The following ADAM8 variants were observed in gnomAD, a reference collection of about 807,000 sequenced individuals.
ADAM8 encodes disintegrin and metalloproteinase domain-containing protein 8.
A neutral mutation model predicts 102.4 loss-of-function variants in ADAM8; 104 were observed. The observed-to-expected ratio is 1.02, with a 90% confidence interval of 0.87 to 1.20. The LOEUF is 1.20. ADAM8 is among the 50% of genes most tolerant of loss of function. The pLI is 0.00. For missense variants in ADAM8, 1,132 were observed against 1,159.0 expected, an observed-to-expected ratio of 0.98 and a Z score of 0.34; for synonymous variants, 517 against 485.2, an observed-to-expected ratio of 1.07 and a Z score of -0.86.
chr10:133,275,431 A>G, intron 2 of ADAM8, 53 bp downstream of exon 2: 1 of 1,388,820 alleles, frequency 7.2e-7, no homozygotes, highest in Non-Finnish European at 9.8e-7. Flanking sequence ...TCCTTTCACA[A>G]AAATAGGCTC....
chr10:133,273,701 C>G, intron 5 of ADAM8, 61 bp downstream of exon 5: 4 of 1,511,432 alleles, frequency 2.6e-6, no homozygotes, highest in Non-Finnish European at 3.6e-6. Context: ...CCCACCCCCA[C>G]CACAGGCTTA....
chr10:133,263,829 C>T (rs1589799145), intron 21 of ADAM8, 64 bp from the exon 22 acceptor site: 3 of 1,324,632 alleles, frequency 2.3e-6, no homozygotes, highest in East Asian at 5.9e-5. Flanking sequence ...GCCTGGACAT[C>T]ACCTTCTCTG....
intron 8 of ADAM8, 72 bp from the exon 9 acceptor site, chr10:133,272,657 G>A: frequency 6.5e-7 from 1 of 1,549,814 alleles, no homozygotes; most frequent in African/African-American, 1.3e-5. Flanking sequence ...GGGTGGCGGA[G>A]GATGCACCTG....
At chr10:133,264,654 C>T (rs1053097366) in intron 21 of ADAM8, among the ~76,000 whole-genome samples, 5 of 151,780 alleles carry the variant, frequency 3.3e-5, no homozygotes, top group Non-Finnish European at 7.4e-5. Context: ...GCCTCTGCCC[C>T]ATCTACTGCC....
rs1274967146 is a variant in ADAM8 at position 133,270,932 on chromosome 10, T to C, written c.1513A>G (p.Asn505Asp). Residue 505 changes from asparagine (N) to aspartate (D), a missense_variant, in exon 14 of 23, where the codon AAC (asparagine) becomes GAC (aspartate). Physicochemically the swap from Asn to Asp is conservative, Grantham distance 23 (BLOSUM62 1). Transcript: ENST00000445355. ...TGGGCCAGTGTGGGACAGGCCCCGT[T>C]GTAGCAGTAGCCCCCGGAGCAGGGC... Reference protein sequence around the residue: ...GTPCSGGYCYNGACPTLAQQC... With the variant: ...GTPCSGGYCYDGACPTLAQQC... 2 of 1,612,716 alleles carry C rather than the reference T, an allele frequency of 1.2e-6. No homozygotes were observed.
chr10:133,272,740 A>AT, intron 8 of ADAM8, 58 bp downstream of exon 8: 1 of 1,294,418 alleles, frequency 7.7e-7, no homozygotes, highest in Admixed American at 2.0e-5. Context: ...CTGTGGCAAC[A>AT]CCCCCCCCAC....
rs1222308059 is a variant in ADAM8 at position 133,271,786 on chromosome 10, G to A, written c.1106+20C>T. 1.2e-6 allele frequency: 2 copies of A among 1,608,008 alleles called. No individual in the cohort carries two copies. Among genetic ancestry groups the A allele is most frequent in the African/African-American group, 2.7e-5 (2 of 74,688 alleles). ...CGTACCTCCAGCATACCCTGGCTCT[G>A]CAGGGCCTGGCCGCCTCACCCAATG... is the stretch of plus-strand genomic sequence containing the variant. On this transcript the variant is annotated intron_variant, in intron 11 of 22. Coordinates refer to ENST00000445355, the MANE Select transcript of ADAM8 (RefSeq NM_001109.5).
chr10:133,270,583 C>T (rs1249147213), intron 15 of ADAM8, 73 bp from the exon 16 acceptor site: 4 of 1,551,932 alleles, frequency 2.6e-6, no homozygotes, highest in Non-Finnish European at 2.6e-6. Flanking sequence ...CACAGTGACC[C>T]ACCTCCCTCC....
intron 6 of ADAM8, 103 bp downstream of exon 6, chr10:133,273,151 A>C: frequency 6.3e-7 from 1 of 1,582,186 alleles, no homozygotes; most frequent in Non-Finnish European, 8.6e-7. Flanking sequence ...TCCAGGCTGC[A>C]GACAATGGGC....
rs1846581595 is a variant in ADAM8, at chr10:133,272,683, G to A, written c.706-98C>T. The A allele has an allele frequency of 3.3e-6, 5 of 1,536,852 alleles. No homozygotes were observed. The South Asian group carries it at 6.1e-5, about 19-fold the overall frequency. ...GATGCACCTGTCCCACGGCGAGGTGGGGCCAGGCACAGGTGCGGGGCAGAG... is the reference window on the plus strand; with the variant it reads ...GATGCACCTGTCCCACGGCGAGGTGAGGCCAGGCACAGGTGCGGGGCAGAG... On this transcript the variant is annotated intron_variant, in intron 8 of 22. Transcript: ENST00000445355.
rs1324783661 is a variant in ADAM8 at position 133,270,494 on chromosome 10, C to T, written c.1651G>A (p.Val551Ile). 8.8e-6 allele frequency: 14 copies of T among 1,597,272 alleles called. No homozygotes were observed. The highest frequency in any genetic ancestry group is 8.0e-5 in the African/African-American group (6 of 74,646). ...ASRYRADMCG[V>I]LQCKGGQQPL... ...TGCTGCCCACCCTTGCACTGCAGAA[C>T]GCCACACATGTCAGCCCTGTGGATG... The change falls in exon 16 of 23, where the codon GTT (valine) becomes ATT (isoleucine). Residue 551 changes from valine (V) to isoleucine (I), a missense_variant. Coordinates refer to ENST00000445355, the MANE Select transcript of ADAM8 (RefSeq NM_001109.5).
intron 17 of ADAM8, 60 bp downstream of exon 17, chr10:133,269,837 C>G: frequency 6.4e-7 from 1 of 1,571,062 alleles, no homozygotes; most frequent in Non-Finnish European, 8.7e-7. Context: ...GTCCCCAGCA[C>G]CGGCTCCCTC....
chr10:133,270,995 G>C lies in ADAM8; in HGVS notation c.1450C>G (p.Pro484Ala). ...TGGAAGGCGTCTTCCGGGCACTCAG[G>C]GTGCCGGCCGTCACAGAACTCCTCG... ...DLEEFCDGRH[P>A]ECPEDAFQEN... The change falls in exon 14 of 23, where the codon CCT (proline) becomes GCT (alanine). Residue 484 changes from proline to alanine, a missense_variant. Transcript: ENST00000445355. 2 of 1,612,824 alleles carry C rather than the reference G, an allele frequency of 1.2e-6. No individual in the cohort carries two copies. Among genetic ancestry groups the C allele is most frequent in the African/African-American group, 1.3e-5 (1 of 75,048 alleles).
chr10:133,274,349 A>C (rs1320567187), intron 2 of ADAM8, 114 bp from the exon 3 acceptor site: 1 of 790,266 alleles, frequency 1.3e-6, no homozygotes. Context: ...CTCCAGCCCC[A>C]GGTCAAGGCT....
At position 133,268,784 on chromosome 10, in the gene ADAM8, A is replaced by G; in HGVS notation, c.2027T>C (p.Ile676Thr). 1 of 1,610,908 alleles carries G rather than the reference A, an allele frequency of 6.2e-7. No homozygotes were observed. The highest frequency in any genetic ancestry group is 8.5e-7 in the Non-Finnish European group (1 of 1,179,852). ...AVVLVTLAGI[I>T]VYRKARSRIL... is the part of the protein sequence containing the mutation. ...GCGGCTCCGGGCTTTGCGGTAGACG[A>G]TGATGCCTGCCAGGGTGACCAGCAC... is the stretch of plus-strand genomic sequence containing the variant. The change falls in exon 19 of 23, where the codon ATC becomes ACC. Residue 676 changes from isoleucine to threonine, a missense_variant. Coordinates refer to ENST00000445355, the MANE Select transcript of ADAM8 (RefSeq NM_001109.5).
chr10:133,270,335 C>G (rs374643932), intron 16 of ADAM8, 25 bp downstream of exon 16: 1 of 1,565,100 alleles, frequency 6.4e-7, no homozygotes, highest in African/African-American at 1.4e-5. Flanking sequence ...TGGGGGGTGG[C>G]GCGGCCTCTG....
At chr10:133,271,728 G>C (rs991302391) in intron 11 of ADAM8, 23 bp from the exon 12 acceptor site, 20 of 1,566,996 alleles carry the variant, frequency 1.3e-5, no homozygotes, top group Non-Finnish European at 1.7e-5. Flanking sequence ...GGCAGCATTG[G>C]GGGAGGCGGC....
intron 2 of ADAM8, among the ~76,000 whole-genome samples, 177 bp from the exon 3 acceptor site, chr10:133,274,412 G>A (rs1455167357): frequency 7.6e-6 from 1 of 130,826 alleles, no homozygotes. Context: ...AGGGTGGAGG[G>A]TAGGGGGCAG....
intron 2 of ADAM8, 41 bp downstream of exon 2, chr10:133,275,442 AG>A: frequency 2.1e-6 from 3 of 1,429,878 alleles, no homozygotes; most frequent in Admixed American, 4.8e-5. Flanking sequence ...AAATAGGCTC[AG>A]GGGCCAGCCA....
Sources: gnomAD v4.1 joint callset for allele counts (sites outside exome capture counted in the v4.1 genomes callset) on GRCh38, gnomAD v4.1.1 for gene constraint, MANE v1.5 for transcripts, NCBI Gene and HGNC (gene_info 2026-07-23, HGNC 2026-07-21) for gene names.